Variants in AUTS2 observed in about 807,000 individuals in gnomAD.
AUTS2 encodes the protein activator of transcription and developmental regulator AUTS2, also known as autism susceptibility gene 2 protein.
AUTS2 carries 17 observed loss-of-function variants against 112.4 expected under a neutral mutation model. The ratio of observed to expected loss-of-function variants is 0.15; its 90% CI spans 0.10 to 0.23. The LOEUF is 0.23. AUTS2 is among the 10% of genes least tolerant of loss of function. The probability of loss-of-function intolerance (pLI) is 1.00; values close to 1 mark genes in which losing one functional copy is unlikely to be tolerated. For missense variants in AUTS2, 1,510 were observed against 1,701.6 expected (o/e 0.89, Z 1.98); for synonymous variants, 751 against 702.7 (o/e 1.07, Z -1.09).
At chr7:70,358,510 C>T (rs904715334) in intron 4 of AUTS2, among the ~76,000 whole-genome samples, 2 of 152,238 alleles carry the variant, frequency 1.3e-5, no homozygotes, top group African/African-American at 4.8e-5. Flanking sequence ...TGACCACCCT[C>T]AAGCCTATAG....
At chr7:70,032,372 G>C (rs1800822335) in intron 2 of AUTS2, among the ~76,000 whole-genome samples, 1 of 151,832 alleles carries the variant, frequency 6.6e-6, no homozygotes, top group South Asian at 2.1e-4. Flanking sequence ...GGCTTCCTGG[G>C]GACTATTTCA....
chr7:70,566,515 T>TA (rs368032595), intron 5 of AUTS2, among the ~76,000 whole-genome samples: 23 of 152,310 alleles, frequency 1.5e-4, no homozygotes, highest in African/African-American at 5.5e-4. Flanking sequence ...TGTTTCTTTT[T>TA]AAAAACTATT....
chr7:70,317,625 T>A (rs1451571157), intron 4 of AUTS2, among the ~76,000 whole-genome samples: 1 of 152,142 alleles, frequency 6.6e-6, no homozygotes, highest in Non-Finnish European at 1.5e-5. Flanking sequence ...ACCAGCAGTG[T>A]TTATCAACTG....
rs868752968 is a variant in AUTS2, at chr7:69,876,524, A to G, written c.310-22762A>G. 5.4e-4 allele frequency among the ~76,000 whole-genome samples: 22 copies of G among 41,090 alleles called. 2 individuals carry two copies. The highest frequency in any genetic ancestry group is 1.4e-3 in the East Asian group (2 of 1,472). 27.0% of individuals were successfully genotyped at this position (41,090 alleles called of 152,430 possible). On this transcript the variant is annotated intron_variant, in intron 1 of 18. Coordinates refer to ENST00000342771, the MANE Select transcript of AUTS2 (RefSeq NM_015570.4). Reference sequence around the variant, plus strand: ...TATATATATATATATATATATATATATATATATATATATATATATATTTTC... The same window carrying G: ...TATATATATATATATATATATATATGTATATATATATATATATATATTTTC...
chr7:69,873,101 C>T (rs2129536308), intron 1 of AUTS2, among the ~76,000 whole-genome samples: 1 of 151,934 alleles, frequency 6.6e-6, no homozygotes, highest in Non-Finnish European at 1.5e-5. Flanking sequence ...CCTCAGCCTC[C>T]CAGAGATATA....
At chr7:70,376,792 T>C (rs964177082) in intron 4 of AUTS2, among the ~76,000 whole-genome samples, 1 of 150,708 alleles carries the variant, frequency 6.6e-6, no homozygotes, top group Non-Finnish European at 1.5e-5. Flanking sequence ...AGTTTCACAT[T>C]GTCTTTGTTT....
chr7:70,182,119 A>G (rs1809347707), intron 4 of AUTS2, among the ~76,000 whole-genome samples: 1 of 152,168 alleles, frequency 6.6e-6, no homozygotes, highest in African/African-American at 2.4e-5. Flanking sequence ...CTTTTTAAAC[A>G]TAGTTTTAAT....
intron 5 of AUTS2, among the ~76,000 whole-genome samples, chr7:70,635,769 G>T (rs949213655): frequency 1.3e-5 from 2 of 152,326 alleles, no homozygotes; most frequent in Admixed American, 1.3e-4. Context: ...CATGACTAAG[G>T]ACTGCAGGAC....
intron 6 of AUTS2, among the ~76,000 whole-genome samples, chr7:70,705,511 C>T (rs979193919): frequency 6.6e-6 from 1 of 152,118 alleles, no homozygotes; most frequent in Non-Finnish European, 1.5e-5. Flanking sequence ...ACCTACTTGC[C>T]CAGTCTGTGC....
At chr7:69,639,827 CTG>C (rs1019319257) in intron 1 of AUTS2, among the ~76,000 whole-genome samples, 1 of 152,226 alleles carries the variant, frequency 6.6e-6, no homozygotes, top group African/African-American at 2.4e-5. Context: ...AGTAAGGAGA[CTG>C]TTACTTCATA....
intron 4 of AUTS2, among the ~76,000 whole-genome samples, chr7:70,317,260 C>A (rs1379423444): frequency 6.6e-6 from 1 of 151,832 alleles, no homozygotes; most frequent in African/African-American, 2.4e-5. Flanking sequence ...TGTGTGTGTT[C>A]CTTGTCACTG....
At chr7:70,638,940 G>C (rs1006629298) in intron 5 of AUTS2, among the ~76,000 whole-genome samples, 4 of 152,110 alleles carry the variant, frequency 2.6e-5, no homozygotes, top group Non-Finnish European at 5.9e-5. Flanking sequence ...TGTTCAACTT[G>C]TCACTTTTAG....
At chr7:69,683,148 A>G (rs1447463679) in intron 1 of AUTS2, among the ~76,000 whole-genome samples, 1 of 152,090 alleles carries the variant, frequency 6.6e-6, no homozygotes, top group African/African-American at 2.4e-5. Flanking sequence ...GGCCCAGGGG[A>G]TTGGTTTGAC....
intron 6 of AUTS2, among the ~76,000 whole-genome samples, chr7:70,757,807 C>CTTT (rs3974412): frequency 0.14 from 8,235 of 60,208 alleles, 1,055 homozygotes; most frequent in East Asian, 0.2. Flanking sequence ...TCCATGGCTT[C>CTTT]TTTTTTTTTT....
chr7:70,056,913 C>T (rs1482655332), intron 2 of AUTS2, among the ~76,000 whole-genome samples: 1 of 152,192 alleles, frequency 6.6e-6, no homozygotes, highest in African/African-American at 2.4e-5. Flanking sequence ...ACAAACCTTT[C>T]TGTTCCTACA....
chr7:69,916,916 T>C (rs1185040036), intron 2 of AUTS2, among the ~76,000 whole-genome samples: 1 of 152,244 alleles, frequency 6.6e-6, no homozygotes. Flanking sequence ...CTTGACAGCA[T>C]GCAAATTGAA....
At chr7:69,899,159 C>T (rs902876085) in intron 1 of AUTS2, 127 bp from the exon 2 acceptor site, 10 of 678,296 alleles carry the variant, frequency 1.5e-5, no homozygotes, top group Non-Finnish European at 2.5e-5. Context: ...TGGGTCTTCT[C>T]ATATCCCACT....
chr7:70,446,850 A>C (rs986772329), intron 5 of AUTS2, among the ~76,000 whole-genome samples: 1 of 152,160 alleles, frequency 6.6e-6, no homozygotes, highest in Admixed American at 6.5e-5. Flanking sequence ...GCCCTGAGAA[A>C]GAAGCAGGGA....
At chr7:69,708,820 T>C (rs924912057) in intron 1 of AUTS2, among the ~76,000 whole-genome samples, 2 of 152,230 alleles carry the variant, frequency 1.3e-5, no homozygotes, top group African/African-American at 4.8e-5. Flanking sequence ...TGGTTGCTTA[T>C]TGAGAACCTC....
Sources: gnomAD v4.1 joint callset for allele counts (sites outside exome capture counted in the v4.1 genomes callset) on GRCh38, gnomAD v4.1.1 for gene constraint, MANE v1.5 for transcripts, NCBI Gene and HGNC (gene_info 2026-07-23, HGNC 2026-07-21) for gene names.